The following UBASH3A variants were observed in gnomAD, a reference collection of about 807,000 sequenced individuals.
UBASH3A encodes the protein ubiquitin-associated and SH3 domain-containing protein A.
A neutral mutation model predicts 73.5 loss-of-function variants in UBASH3A; 63 were observed. The ratio of observed to expected loss-of-function variants is 0.86; its 90% CI spans 0.70 to 1.06. UBASH3A has a LOEUF of 1.06. Ranked by LOEUF, UBASH3A falls within the 50% of genes least tolerant of loss-of-function variation. The pLI, the probability that UBASH3A is intolerant of heterozygous loss-of-function variation, is 0.00. For missense variants in UBASH3A, 860 were observed against 859.0 expected, an observed-to-expected ratio of 1.00 and a Z score of -0.02; for synonymous variants, 363 against 351.1, an observed-to-expected ratio of 1.03 and a Z score of -0.38.
At chr21:42,422,832 GTATTT>G (rs2053364000) in intron 7 of UBASH3A, among the ~76,000 whole-genome samples, 1 of 152,142 alleles carries the variant, frequency 6.6e-6, no homozygotes, top group African/African-American at 2.4e-5. Flanking sequence ...TGCACAATAT[GTATTT>G]CTATACATGT....
chr21:42,415,761 C>G (rs1192920477), intron 5 of UBASH3A, among the ~76,000 whole-genome samples: 1 of 152,236 alleles, frequency 6.6e-6, no homozygotes, highest in Admixed American at 6.5e-5. Flanking sequence ...CAGCCTAAAA[C>G]TAGGTCTATC....
intron 5 of UBASH3A, among the ~76,000 whole-genome samples, chr21:42,416,107 C>G (rs963096940): frequency 2.0e-5 from 3 of 152,176 alleles, no homozygotes; most frequent in African/African-American, 7.2e-5. Context: ...AACTGGAGCT[C>G]GGGCCTGCAA....
rs111213066 is a variant in UBASH3A at position 42,411,399 on chromosome 21, G to T, written c.355-1625G>T. Among the ~76,000 whole-genome samples, 788 of 150,810 alleles carry T rather than the reference G, an allele frequency of 5.2e-3. 9 individuals carry two copies. The highest frequency in any genetic ancestry group is 0.018 in the African/African-American group (749 of 40,940). On this transcript the variant is annotated intron_variant, in intron 3 of 14. Transcript: ENST00000319294. ...AGATAGACACACATGCACAAACACA[G>T]ACATGCACATACATGCACATACATA...
chr21:42,426,423 A>C (rs2053436198), intron 7 of UBASH3A, among the ~76,000 whole-genome samples: 1 of 152,242 alleles, frequency 6.6e-6, no homozygotes, highest in Non-Finnish European at 1.5e-5. Context: ...CATCTAAAAT[A>C]ACATTTGACC....
At chr21:42,407,673 T>C (rs2053005506) in intron 2 of UBASH3A, among the ~76,000 whole-genome samples, 1 of 152,208 alleles carries the variant, frequency 6.6e-6, no homozygotes, top group South Asian at 2.1e-4. Context: ...CACACGTCAC[T>C]GGTGTCACTG....
intron 14 of UBASH3A, among the ~76,000 whole-genome samples, chr21:42,444,990 C>T (rs754968712): frequency 3.3e-5 from 5 of 152,184 alleles, no homozygotes; most frequent in African/African-American, 1.2e-4. Context: ...CGATTCTGGC[C>T]TCTTCTGGGG....
chr21:42,403,985 A>G lies in UBASH3A; in HGVS notation c.40A>G (p.Asn14Asp). ...GETQLYAKVSNKLKSRSSPSL... is the reference protein window; with the variant it reads ...GETQLYAKVSDKLKSRSSPSL... The stretch of plus-strand genomic sequence containing the variant: ...GACGCAGCTCTACGCCAAGGTCTCC[A>G]ACAAGCTCAAGAGCCGCAGCAGCCC... The change falls in exon 1 of 15, where the codon AAC (asparagine) becomes GAC (aspartate). Residue 14 changes from asparagine (N) to aspartate (D), a missense_variant. Physicochemically the swap from Asn to Asp is conservative, Grantham distance 23. Transcript: ENST00000319294. 6.5e-7 allele frequency: 1 copy of G among 1,527,404 alleles called. No individual in the cohort carries two copies. The highest frequency in any genetic ancestry group is 8.8e-7 in the Non-Finnish European group (1 of 1,133,392). 94.6% of individuals were successfully genotyped at this position (1,527,404 alleles called of 1,614,324 possible).
chr21:42,437,753 C>T (rs2053653630), intron 11 of UBASH3A, among the ~76,000 whole-genome samples, 173 bp downstream of exon 11: 1 of 152,188 alleles, frequency 6.6e-6, no homozygotes, highest in African/African-American at 2.4e-5. Context: ...CATGCTGGGT[C>T]CGTGAGCGTG....
chr21:42,422,138 G>A (rs989049206), intron 7 of UBASH3A, among the ~76,000 whole-genome samples: 1 of 152,286 alleles, frequency 6.6e-6, no homozygotes, highest in Non-Finnish European at 1.5e-5. Flanking sequence ...TCCAGCCAAA[G>A]CCCCACAGCT....
rs111838414 is a variant in UBASH3A, at chr21:42,419,512, T to A, written c.1046+903T>A. On this transcript the variant is annotated intron_variant, in intron 7 of 14. Coordinates refer to ENST00000319294, the MANE Select transcript of UBASH3A (RefSeq NM_018961.4). ...ATGGGAAGGATCCTCCTTGCTCCGA[T>A]TTCCTGGAACACCTGTCACATTCCT... Among the ~76,000 whole-genome samples, 24 of 152,350 alleles carry A rather than the reference T, an allele frequency of 1.6e-4. 1 individual carries two copies. Among genetic ancestry groups the A allele is most frequent in the African/African-American group, 5.8e-4 (24 of 41,582 alleles).
chr21:42,407,078 C>T (rs2146487773), intron 2 of UBASH3A, among the ~76,000 whole-genome samples: 1 of 152,220 alleles, frequency 6.6e-6, no homozygotes, highest in East Asian at 1.9e-4. Flanking sequence ...GAGGTGACCT[C>T]ACCAGGTACC....
intron 8 of UBASH3A, among the ~76,000 whole-genome samples, chr21:42,427,997 A>C (rs1397868101): frequency 6.6e-6 from 1 of 152,224 alleles, no homozygotes; most frequent in African/African-American, 2.4e-5. Flanking sequence ...ATTTAAGGTT[A>C]AATGAGGCAA....
At chr21:42,415,187 A>G (rs2053177465) in intron 5 of UBASH3A, among the ~76,000 whole-genome samples, 1 of 152,234 alleles carries the variant, frequency 6.6e-6, no homozygotes, top group South Asian at 2.1e-4. Flanking sequence ...AAGGAAACGC[A>G]AGGACCCGTT....
At chr21:42,428,381 G>C (rs1215255738) in intron 8 of UBASH3A, among the ~76,000 whole-genome samples, 1 of 152,160 alleles carries the variant, frequency 6.6e-6, no homozygotes, top group Admixed American at 6.5e-5. Flanking sequence ...ATGTGTCTCT[G>C]AAGCTGGGTC....
chr21:42,428,020 A>G (rs183991174), intron 8 of UBASH3A, among the ~76,000 whole-genome samples: 27 of 152,330 alleles, frequency 1.8e-4, no homozygotes, highest in Admixed American at 7.2e-4. Context: ...CAGGTGATGC[A>G]ATCTGATCCA....
intron 2 of UBASH3A, among the ~76,000 whole-genome samples, chr21:42,407,942 C>T (rs1439287402): frequency 6.6e-6 from 1 of 152,242 alleles, no homozygotes; most frequent in Non-Finnish European, 1.5e-5. Flanking sequence ...TGACAAACTT[C>T]ACTAGACACG....
chr21:42,408,497 A>C (rs2053022687), intron 2 of UBASH3A, among the ~76,000 whole-genome samples: 1 of 152,216 alleles, frequency 6.6e-6, no homozygotes, highest in South Asian at 2.1e-4. Context: ...TAATGCAAAG[A>C]GTGTGGGCAT....
chr21:42,425,973 G>A (rs929699424), intron 7 of UBASH3A, among the ~76,000 whole-genome samples: 7 of 152,166 alleles, frequency 4.6e-5, no homozygotes, highest in African/African-American at 1.7e-4. Flanking sequence ...CAAAGACAGA[G>A]AGACAGAGAG....
chr21:42,446,056 G>T (rs3827231), intron 14 of UBASH3A, among the ~76,000 whole-genome samples: 1 of 151,514 alleles, frequency 6.6e-6, no homozygotes, highest in Non-Finnish European at 1.5e-5. Context: ...GCGCTCCTGG[G>T]GGCCCACGTA....
Sources: allele counts gnomAD v4.1 joint callset (sites outside exome capture counted in the v4.1 genomes callset), GRCh38; gene constraint gnomAD v4.1.1; transcripts MANE v1.5; gene names NCBI Gene and HGNC (gene_info 2026-07-23, HGNC 2026-07-21).